GRM3: variants seen among roughly 807,000 people sequenced by gnomAD.
GRM3 encodes glutamate metabotropic receptor 3, also known as metabotropic glutamate receptor 3.
Under a neutral mutation model 70.5 loss-of-function variants are expected in GRM3, and 26 were observed. The ratio of observed to expected loss-of-function variants is 0.37; its 90% confidence interval spans 0.27 to 0.51. The LOEUF (loss-of-function observed/expected upper bound fraction) is 0.51. Among genes scored for constraint, GRM3 ranks in the 20% least tolerant of loss-of-function variants. GRM3 has a pLI of 0.93. For synonymous variants in GRM3, 443 were observed against 434.9 expected (o/e 1.02, Z -0.23); for missense variants, 859 against 1,123.8 (o/e 0.76, Z 3.37).
At chr7:86,778,378 A>T (rs1796951993) in intron 2 of GRM3, among the ~76,000 whole-genome samples, 1 of 152,208 alleles carries the variant, frequency 6.6e-6, no homozygotes, top group Non-Finnish European at 1.5e-5. Context: ...TCATAGCACT[A>T]AAAAATCACT....
chr7:86,683,418 G>A (rs1562824469), intron 1 of GRM3, among the ~76,000 whole-genome samples: 1 of 152,158 alleles, frequency 6.6e-6, no homozygotes, highest in Non-Finnish European at 1.5e-5. Flanking sequence ...CATCAATTCA[G>A]AGCTCAGAAG....
intron 1 of GRM3, among the ~76,000 whole-genome samples, chr7:86,696,012 T>C (rs1794806510): frequency 6.6e-6 from 1 of 152,222 alleles, no homozygotes. Context: ...ATTCACTTTG[T>C]TTCCTGTCAA....
intron 1 of GRM3, among the ~76,000 whole-genome samples, chr7:86,691,925 G>C (rs1311421332): frequency 1.3e-5 from 2 of 152,152 alleles, no homozygotes; most frequent in Non-Finnish European, 2.9e-5. Flanking sequence ...AAGATGCTAA[G>C]AGACAAACTG....
chr7:86,784,223 T>G (rs1797161560), intron 2 of GRM3: 1 of 152,112 alleles, frequency 6.6e-6, no homozygotes, highest in African/African-American at 2.4e-5. Context: ...TTTTGTTTTT[T>G]TTTTGAGCAG....
intron 1 of GRM3, among the ~76,000 whole-genome samples, chr7:86,677,540 A>C (rs1014597708): frequency 6.6e-6 from 1 of 152,054 alleles, no homozygotes; most frequent in African/African-American, 2.4e-5. Flanking sequence ...GCTCTTTTAG[A>C]AGCCCAAAGA....
At chr7:86,796,025 G>A (rs76078022) in intron 3 of GRM3, among the ~76,000 whole-genome samples, 8,190 of 152,212 alleles carry the variant, frequency 0.054, 706 homozygotes, top group African/African-American at 0.18. Context: ...TGGTTGTTCA[G>A]TTGAGAAGTC....
chr7:86,709,359 T>C (rs1795138700), intron 1 of GRM3, among the ~76,000 whole-genome samples: 1 of 152,046 alleles, frequency 6.6e-6, no homozygotes, highest in African/African-American at 2.4e-5. Context: ...GCTTCATAGT[T>C]CCCCCTCAGC....
chr7:86,735,198 G>A (rs891701898), intron 1 of GRM3, among the ~76,000 whole-genome samples: 4 of 152,166 alleles, frequency 2.6e-5, no homozygotes, highest in Admixed American at 2.6e-4. Flanking sequence ...CTTCTTTGCT[G>A]TTATTCTGCT....
rs772175839 is a variant in GRM3, at chr7:86,787,023, C to T, written c.1231C>T (p.Leu411Phe). The part of the protein sequence containing the change: ...AHALHKMQRT[L>F]CPNTTKLCDA... ...CGCTTTGCACAAAATGCAGCGCACCCTCTGTCCCAACACTACCAAGCTTTG... is the reference window on the plus strand; with the variant it reads ...CGCTTTGCACAAAATGCAGCGCACCTTCTGTCCCAACACTACCAAGCTTTG... The change falls in exon 3 of 6, where the codon CTC (leucine) becomes TTC (phenylalanine). Residue 411 changes from leucine to phenylalanine, a missense_variant. Transcript: ENST00000361669. 1 of 1,613,608 alleles carries T rather than the reference C, an allele frequency of 6.2e-7. No individual in the cohort carries two copies.
At chr7:86,800,834 A>C (rs1247182253) in intron 3 of GRM3, among the ~76,000 whole-genome samples, 1 of 152,228 alleles carries the variant, frequency 6.6e-6, no homozygotes, top group African/African-American at 2.4e-5. Flanking sequence ...AGATACAGCA[A>C]AAATAGAAAA....
At chr7:86,757,032 A>AT (rs1796362924) in intron 1 of GRM3, among the ~76,000 whole-genome samples, 1 of 152,110 alleles carries the variant, frequency 6.6e-6, no homozygotes, top group South Asian at 2.1e-4. Context: ...TCCATATAGT[A>AT]TTTTTATAGT....
chr7:86,709,354 A>G (rs756688653), intron 1 of GRM3, among the ~76,000 whole-genome samples: 14 of 152,024 alleles, frequency 9.2e-5, no homozygotes, highest in Non-Finnish European at 2.1e-4. Context: ...CCACTGCTTC[A>G]TAGTTCCCCC....
At chr7:86,782,699 C>G (rs1214798244) in intron 2 of GRM3, among the ~76,000 whole-genome samples, 2 of 152,160 alleles carry the variant, frequency 1.3e-5, no homozygotes, top group Non-Finnish European at 2.9e-5. Flanking sequence ...GTTGCTGGTT[C>G]TTCTAACACC....
chr7:86,711,589 G>A (rs2116173998), intron 1 of GRM3, among the ~76,000 whole-genome samples: 1 of 152,116 alleles, frequency 6.6e-6, no homozygotes, highest in Admixed American at 6.6e-5. Context: ...AAATATACTG[G>A]TCTCTATTGG....
chr7:86,731,094 A>T (rs936534075), intron 1 of GRM3, among the ~76,000 whole-genome samples: 31 of 151,844 alleles, frequency 2.0e-4, no homozygotes, highest in African/African-American at 7.5e-4. Context: ...CTATGATTTC[A>T]ATCATTACGA....
intron 1 of GRM3, among the ~76,000 whole-genome samples, chr7:86,725,058 T>C (rs1437889467): frequency 6.6e-6 from 1 of 152,096 alleles, no homozygotes; most frequent in Non-Finnish European, 1.5e-5. Flanking sequence ...CTTCTTACTA[T>C]TACCAGGGGA....
chr7:86,833,602 G>C (rs940290445), intron 3 of GRM3, among the ~76,000 whole-genome samples: 2 of 152,162 alleles, frequency 1.3e-5, no homozygotes, highest in African/African-American at 4.8e-5. Context: ...CTAAGAGCTT[G>C]CTTTTCTTAC....
chr7:86,833,978 C>T (rs1351592078), intron 3 of GRM3, among the ~76,000 whole-genome samples: 1 of 152,032 alleles, frequency 6.6e-6, no homozygotes, highest in African/African-American at 2.4e-5. Flanking sequence ...AACATTCCAC[C>T]AAAAGTAGCA....
At chr7:86,692,755 A>G (rs1584169800) in intron 1 of GRM3, among the ~76,000 whole-genome samples, 1 of 152,240 alleles carries the variant, frequency 6.6e-6, no homozygotes, top group Non-Finnish European at 1.5e-5. Flanking sequence ...TTTTTGAATT[A>G]ATAATCAAAG....
Sources: gnomAD v4.1 joint callset for allele counts (sites outside exome capture counted in the v4.1 genomes callset) on GRCh38, gnomAD v4.1.1 for gene constraint, MANE v1.5 for transcripts, NCBI Gene and HGNC (gene_info 2026-07-23, HGNC 2026-07-21) for gene names.